Variants in CNTN5 observed in about 807,000 individuals in gnomAD.
CNTN5 encodes contactin 5, also known as contactin-5.
A neutral mutation model predicts 129.1 loss-of-function variants in CNTN5; 77 were observed. That is an observed-to-expected ratio of 0.60 (90% CI 0.50 to 0.72). The LOEUF (loss-of-function observed/expected upper bound fraction) is 0.72, where lower values mean the gene tolerates loss of function less well. Among genes scored for constraint, CNTN5 ranks in the 30% least tolerant of loss-of-function variants. The pLI, the probability that CNTN5 is intolerant of heterozygous loss-of-function variation, is 0.00. For missense variants in CNTN5, 1,478 were observed against 1,328.8 expected, an observed-to-expected ratio of 1.11 and a Z score of -1.75; for synonymous variants, 509 against 465.6, an observed-to-expected ratio of 1.09 and a Z score of -1.20.
intron 3 of CNTN5, among the ~76,000 whole-genome samples, chr11:99,769,024 T>C (rs1944854511): frequency 9.2e-6 from 1 of 108,904 alleles, no homozygotes; most frequent in South Asian, 2.8e-4. Flanking sequence ...AAAGTTCTTT[T>C]CTCTTTTCTA....
intron 1 of CNTN5, among the ~76,000 whole-genome samples, chr11:99,146,435 A>C (rs1428290201): frequency 2.0e-5 from 3 of 152,186 alleles, no homozygotes; most frequent in Non-Finnish European, 2.9e-5. Flanking sequence ...TTTGATCTCC[A>C]AATTTTAACC....
At chr11:100,297,269 C>T (rs193174147) in intron 18 of CNTN5, among the ~76,000 whole-genome samples, 53 of 151,272 alleles carry the variant, frequency 3.5e-4, no homozygotes, top group East Asian at 2.1e-3. Context: ...CTGCAAGCCC[C>T]GGGATAACAA....
intron 16 of CNTN5, among the ~76,000 whole-genome samples, chr11:100,238,574 A>G (rs991549340): frequency 2.0e-5 from 3 of 151,578 alleles, no homozygotes; most frequent in African/African-American, 7.3e-5. Flanking sequence ...GGAGGAAGAA[A>G]GAGGAGAGGA....
intron 9 of CNTN5, among the ~76,000 whole-genome samples, chr11:100,049,123 A>G (rs983728102): frequency 6.6e-6 from 1 of 152,156 alleles, no homozygotes; most frequent in African/African-American, 2.4e-5. Flanking sequence ...ACAAAAAAAG[A>G]GCAAGAAATG....
intron 1 of CNTN5, among the ~76,000 whole-genome samples, chr11:99,200,175 C>T (rs1433942857): frequency 6.6e-6 from 1 of 152,104 alleles, no homozygotes; most frequent in Non-Finnish European, 1.5e-5. Flanking sequence ...TAAAAGATCT[C>T]TCACCACCAC....
chr11:99,340,439 GA>G lies in CNTN5; in HGVS notation c.-71+14963del, dbSNP rs932285938. On this transcript the variant is annotated intron_variant, in intron 2 of 24. Transcript: ENST00000524871. Reference sequence around the variant, plus strand: ...TACAGAGATGTGGATAATTAGGGGGGAAAAAAAAGCCTGAGAAGGAGCAGCT... The same window carrying G: ...TACAGAGATGTGGATAATTAGGGGGGAAAAAAAGCCTGAGAAGGAGCAGCT... Among the ~76,000 whole-genome samples, 29 of 151,500 alleles carry G rather than the reference GA, an allele frequency of 1.9e-4. 1 individual carries two copies. The highest frequency in any genetic ancestry group is 8.3e-4 in the South Asian group (4 of 4,802).
intron 1 of CNTN5, among the ~76,000 whole-genome samples, chr11:99,294,768 T>A (rs913764501): frequency 6.6e-6 from 1 of 152,206 alleles, no homozygotes; most frequent in Non-Finnish European, 1.5e-5. Flanking sequence ...CAGACACCAC[T>A]GTCGACGACG....
chr11:99,869,194 A>T (rs1948436044), intron 6 of CNTN5, among the ~76,000 whole-genome samples: 1 of 152,212 alleles, frequency 6.6e-6, no homozygotes, highest in East Asian at 1.9e-4. Context: ...TTGAATGTTT[A>T]TAAAGTGTTC....
At chr11:99,025,782 G>A (rs1277039524) in intron 1 of CNTN5, among the ~76,000 whole-genome samples, 1 of 151,532 alleles carries the variant, frequency 6.6e-6, no homozygotes, top group Non-Finnish European at 1.5e-5. Context: ...ATGGGATGTT[G>A]ATTTTGTGAG....
At chr11:99,904,317 G>T (rs529651364) in intron 6 of CNTN5, among the ~76,000 whole-genome samples, 1 of 151,580 alleles carries the variant, frequency 6.6e-6, no homozygotes, top group Non-Finnish European at 1.5e-5. Flanking sequence ...ACAGGTCCCA[G>T]TGTGTGATGT....
chr11:99,224,254 G>A (rs1054931653), intron 1 of CNTN5, among the ~76,000 whole-genome samples: 5 of 152,000 alleles, frequency 3.3e-5, no homozygotes, highest in African/African-American at 1.2e-4. Flanking sequence ...TTCTTTTTAC[G>A]TATTTCGATG....
chr11:99,597,157 A>G (rs777849187), intron 3 of CNTN5, among the ~76,000 whole-genome samples: 2 of 152,184 alleles, frequency 1.3e-5, no homozygotes, highest in Non-Finnish European at 2.9e-5. Flanking sequence ...AACAATACCA[A>G]TCATATGATT....
At chr11:99,335,374 T>A (rs938636583) in intron 2 of CNTN5, among the ~76,000 whole-genome samples, 5 of 152,136 alleles carry the variant, frequency 3.3e-5, no homozygotes, top group African/African-American at 1.2e-4. Context: ...GTTACCTATA[T>A]GGTGCCCATG....
intron 18 of CNTN5, among the ~76,000 whole-genome samples, chr11:100,292,181 T>C (rs1009752520): frequency 2.6e-5 from 4 of 152,044 alleles, no homozygotes; most frequent in Non-Finnish European, 5.9e-5. Flanking sequence ...TCTGGTACTT[T>C]CCAGGTCAGA....
chr11:99,454,887 G>C (rs1944440807), intron 2 of CNTN5, among the ~76,000 whole-genome samples: 1 of 152,048 alleles, frequency 6.6e-6, no homozygotes, highest in African/African-American at 2.4e-5. Context: ...AGGAAATCTA[G>C]TAGCCTCCCA....
chr11:100,046,944 C>G (rs1942713486), intron 9 of CNTN5, among the ~76,000 whole-genome samples: 1 of 151,920 alleles, frequency 6.6e-6, no homozygotes, highest in South Asian at 2.1e-4. Context: ...TAGGAGAAAT[C>G]CAAGATGATC....
intron 3 of CNTN5, among the ~76,000 whole-genome samples, chr11:99,721,016 A>G (rs1239383691): frequency 1.3e-5 from 2 of 152,150 alleles, no homozygotes; most frequent in African/African-American, 4.8e-5. Flanking sequence ...AAAACATCCT[A>G]TTTTCATGGA....
chr11:99,593,488 A>G (rs1274192871), intron 3 of CNTN5, among the ~76,000 whole-genome samples: 2 of 152,102 alleles, frequency 1.3e-5, no homozygotes, highest in African/African-American at 4.8e-5. Context: ...ATGTATCATC[A>G]TGTGGCCACA....
chr11:99,845,499 A>T (rs1026493624), intron 6 of CNTN5, among the ~76,000 whole-genome samples: 7 of 145,708 alleles, frequency 4.8e-5, no homozygotes, highest in African/African-American at 1.8e-4. Flanking sequence ...CAGCCTCCCA[A>T]GTAGCTGGGA....
Sources: gnomAD v4.1 joint callset for allele counts (sites outside exome capture counted in the v4.1 genomes callset) on GRCh38, gnomAD v4.1.1 for gene constraint, MANE v1.5 for transcripts, NCBI Gene and HGNC (gene_info 2026-07-23, HGNC 2026-07-21) for gene names.